ZNF124: variants seen among roughly 807,000 people sequenced by gnomAD.
ZNF124 encodes zinc finger protein 124, also known as zinc finger protein HZF-16.
A neutral mutation model predicts 26.6 loss-of-function variants in ZNF124; 25 were observed. The observed-to-expected ratio is 0.94, with a 90% confidence interval of 0.68 to 1.31. The LOEUF is 1.31. Among genes scored for constraint, ZNF124 ranks in the 40% most tolerant of loss-of-function variants. ZNF124 has a pLI of 0.00. For synonymous variants in ZNF124, 129 were observed against 133.3 expected, an observed-to-expected ratio of 0.97 and a Z score of 0.22; for missense variants, 444 against 422.2, an observed-to-expected ratio of 1.05 and a Z score of -0.45.
chr1:247,163,358 A>T lies in ZNF124; in HGVS notation c.31-3545T>A, dbSNP rs190747290. ...AAAAGATCAACAACTTCAGGAGTCA[A>T]TTTTTTGAAATAAGATAGATTGCTA... On this transcript the variant is annotated intron_variant, in intron 1 of 3. Transcript: ENST00000543802. Among the ~76,000 whole-genome samples the T allele has an allele frequency of 4.6e-4, 69 of 148,996 alleles. No individual in the cohort carries two copies. In the East Asian group the frequency reaches 0.01, roughly 22 times the overall value.
chr1:247,155,381 A>T lies in ZNF124; in HGVS notation c.*1185T>A, dbSNP rs1027553817. 4.0e-5 allele frequency among the ~76,000 whole-genome samples: 6 copies of T among 151,340 alleles called. 1 individual carries two copies. Among genetic ancestry groups the T allele is most frequent in the Non-Finnish European group, 8.8e-5 (6 of 67,974 alleles). ...TTTTAAAAAATTTTAAAAATATTTTATACTTTAAATATTTAAAAAATATTT... is the reference window on the plus strand; with the variant it reads ...TTTTAAAAAATTTTAAAAATATTTTTTACTTTAAATATTTAAAAAATATTT... On this transcript the variant is annotated 3_prime_UTR_variant, in exon 4 of 4. Coordinates refer to ENST00000543802, the MANE Select transcript of ZNF124 (RefSeq NM_001297568.2).
At chr1:247,137,106 T>G (rs1266333255) in intron 3 of ZNF124, among the ~76,000 whole-genome samples, 1 of 151,704 alleles carries the variant, frequency 6.6e-6, no homozygotes, top group African/African-American at 2.4e-5. Context: ...AAAACAGATA[T>G]ATAGACCAAC....
rs201830700 is a variant in ZNF124, at chr1:247,156,672, G to C, written c.950C>G (p.Pro317Arg). The change falls in exon 4 of 4, where the codon CCC (proline) becomes CGC (arginine). Residue 317 changes from proline (P) to arginine (R), a missense_variant. Transcript: ENST00000543802. ...DHERTHTGEK[P>R]YECQKCGKAF... ...TTTGCCACATTTCTGACATTCATAG[G>C]GTTTCTCTCCAGTATGAGTCCTTTC... 49 of 1,612,730 alleles carry C rather than the reference G, an allele frequency of 3.0e-5. No individual in the cohort carries two copies. In the Admixed American group the frequency reaches 8.2e-4, roughly 27 times the overall value.
rs1249899109 is a variant in ZNF124 at position 247,157,325 on chromosome 1, A to T, written c.297T>A (p.Cys99Ter). ...CGKKPCTCKQ[C>*]QKTSLSVTRV... ...TTGTGACAGAAAGGGAAGTTTTCTG[A>T]CATTGTTTACATGTACATGGCTTCT... The change falls in exon 4 of 4, where the codon TGT becomes TGA. Residue 99 changes from cysteine (C) to a stop codon, truncating the protein, a stop_gained. Transcript: ENST00000543802. LOFTEE classifies it high-confidence loss of function. 3 of 1,572,776 alleles carry T rather than the reference A, an allele frequency of 1.9e-6. No homozygotes were observed. Among genetic ancestry groups the T allele is most frequent in the African/African-American group, 1.4e-5 (1 of 73,970 alleles).
chr1:247,146,323 C>T (rs969663213), intron 3 of ZNF124, among the ~76,000 whole-genome samples: 3 of 152,200 alleles, frequency 2.0e-5, no homozygotes, highest in Admixed American at 1.3e-4. Context: ...CTGTGCCAGT[C>T]CAATTTCCTT....
chr1:247,141,865 A>G (rs986780242), intron 3 of ZNF124, among the ~76,000 whole-genome samples: 1 of 152,212 alleles, frequency 6.6e-6, no homozygotes, highest in Non-Finnish European at 1.5e-5. Context: ...GTCTGAGGCC[A>G]TTTATCAAGA....
chr1:247,123,523 T>C (rs2103095467), exon 4 of ZNF124: 1 of 249,722 alleles, frequency 4.0e-6, no homozygotes, highest in African/African-American at 2.2e-5. Flanking sequence ...TTAATAGCTT[T>C]ATTGGGATCA....
intron 3 of ZNF124, among the ~76,000 whole-genome samples, chr1:247,147,400 T>C (rs1672813610): frequency 6.6e-6 from 1 of 151,940 alleles, no homozygotes; most frequent in African/African-American, 2.4e-5. Context: ...CTAATTTTTG[T>C]ATTTTTATTA....
intron 3 of ZNF124, among the ~76,000 whole-genome samples, chr1:247,125,805 A>C (rs1338026109): frequency 6.6e-6 from 1 of 152,256 alleles, no homozygotes; most frequent in Non-Finnish European, 1.5e-5. Flanking sequence ...GGATTCAAAC[A>C]GCATAGAATT....
chr1:247,156,413 C>T lies in ZNF124; in HGVS notation c.*153G>A. The T allele has an allele frequency of 7.7e-7, 1 of 1,303,380 alleles. No homozygotes were observed. Among genetic ancestry groups the T allele is most frequent in the Non-Finnish European group, 9.7e-7 (1 of 1,026,776 alleles). The allele number at this position is 1,303,380 out of a possible 1,614,324, so 80.7% of individuals were successfully genotyped here. On this transcript the variant is annotated 3_prime_UTR_variant, in exon 4 of 4. Coordinates refer to ENST00000543802, the MANE Select transcript of ZNF124 (RefSeq NM_001297568.2). Reference sequence around the variant, plus strand: ...AAAAATTGAATGCTTTACCTTATTGCTTATAGTCATAGGGTTTATCTCCAG... The same window carrying T: ...AAAAATTGAATGCTTTACCTTATTGTTTATAGTCATAGGGTTTATCTCCAG...
rs1015869213 is a variant in ZNF124 at position 247,131,313 on chromosome 1, A to C, written c.219-7442T>G. On this transcript the variant is annotated intron_variant, in intron 3 of 3. Transcript: ENST00000472531. The stretch of plus-strand genomic sequence containing the variant: ...TTCCATGGAGCTGTGCAACCCACGG[A>C]TTGGAAGATCCCACTCGCAAACCCA... 2.0e-5 allele frequency among the ~76,000 whole-genome samples: 3 copies of C among 152,184 alleles called. No homozygotes were observed. In the South Asian group the frequency reaches 6.2e-4, roughly 32 times the overall value.
At chr1:247,131,845 C>T (rs781112051) in intron 3 of ZNF124, among the ~76,000 whole-genome samples, 55 of 152,204 alleles carry the variant, frequency 3.6e-4, no homozygotes, top group Non-Finnish European at 7.5e-4. Flanking sequence ...TTAGCCTCTC[C>T]TCCTGGTAGT....
chr1:247,136,014 G>T (rs1312473267), intron 3 of ZNF124, among the ~76,000 whole-genome samples: 1 of 152,156 alleles, frequency 6.6e-6, no homozygotes, highest in Non-Finnish European at 1.5e-5. Context: ...ACGAGGTATT[G>T]ATGGAACATA....
At position 247,155,062 on chromosome 1, in the gene ZNF124, C is replaced by A. The variant is rs901412824; in HGVS notation, c.*1504G>T. On this transcript the variant is annotated 3_prime_UTR_variant, in exon 4 of 4. Coordinates refer to ENST00000543802, the MANE Select transcript of ZNF124 (RefSeq NM_001297568.2). ...ACATGATGATAAGACTGGATGCTTT[C>A]TTTCTCAGATTAGACACAAGACACT... Among the ~76,000 whole-genome samples the A allele has an allele frequency of 6.6e-6, 1 of 152,192 alleles. No individual in the cohort carries two copies. The highest frequency in any genetic ancestry group is 1.5e-5 in the Non-Finnish European group (1 of 68,026).
chr1:247,156,960 A>C lies in ZNF124; in HGVS notation c.662T>G (p.Leu221Arg). The change falls in exon 4 of 4, where the codon CTT becomes CGT. Residue 221 changes from leucine to arginine, a missense_variant. Coordinates refer to ENST00000543802, the MANE Select transcript of ZNF124 (RefSeq NM_001297568.2). ...CGKAFRYSNC[L>R]HYHERTHTGE... The stretch of plus-strand genomic sequence containing the variant: ...AGTGTGAGTTCTTTCATGGTAATGA[A>C]GGCAATTGGAGTAACGGAAGGCTTT... The C allele has an allele frequency of 6.2e-7, 1 of 1,613,492 alleles. No homozygotes were observed. Among genetic ancestry groups the C allele is most frequent in the Non-Finnish European group, 8.5e-7 (1 of 1,179,538 alleles).
chr1:247,153,090 G>A (rs537159567), downstream of ZNF124, among the ~76,000 whole-genome samples: 68 of 149,904 alleles, frequency 4.5e-4, no homozygotes, highest in African/African-American at 1.5e-3. Flanking sequence ...CTGAGATTGC[G>A]CCACTGCACT....
exon 4 of ZNF124, chr1:247,122,954 C>T (rs1310853290): frequency 1.3e-5 from 2 of 152,272 alleles, no homozygotes; most frequent in East Asian, 3.9e-4. Flanking sequence ...AACCTAATTC[C>T]CCATGACCTA....
At chr1:247,123,726 G>T in exon 4 of ZNF124, 2 of 604,094 alleles carry the variant, frequency 3.3e-6, no homozygotes, top group East Asian at 5.5e-5. Flanking sequence ...GACTTCAAAG[G>T]TTTAGAGAAG....
chr1:247,164,803 T>A (rs1353843278), intron 1 of ZNF124, among the ~76,000 whole-genome samples: 1 of 152,098 alleles, frequency 6.6e-6, no homozygotes, highest in Admixed American at 6.5e-5. Context: ...AGATCCCACA[T>A]AGCCAAGCAA....
Sources: gnomAD v4.1 joint callset for allele counts (sites outside exome capture counted in the v4.1 genomes callset) on GRCh38, gnomAD v4.1.1 for gene constraint, MANE v1.5 for transcripts, NCBI Gene and HGNC (gene_info 2026-07-23, HGNC 2026-07-21) for gene names.